Variants in LINGO2 observed in about 807,000 individuals in gnomAD.
LINGO2 encodes the protein leucine-rich repeat and immunoglobulin-like domain-containing nogo receptor-interacting protein 2.
In LINGO2, 14 loss-of-function variants were observed where a neutral mutation model predicts 30.6. That is an observed-to-expected ratio of 0.46 (90% CI 0.30 to 0.72). LINGO2 has a LOEUF of 0.72. Among genes scored for constraint, LINGO2 ranks in the 30% least tolerant of loss-of-function variants. The pLI is 0.07. For synonymous variants in LINGO2, 317 were observed against 288.5 expected (o/e 1.10, Z -1.00); for missense variants, 729 against 751.7 (o/e 0.97, Z 0.35).
the LINGO2 span, among the ~76,000 whole-genome samples, chr9:28,699,187 G>A: frequency 1.3e-5 from 2 of 152,010 alleles, no homozygotes; most frequent in Admixed American, 6.6e-5. Flanking sequence ...TACATTTTCT[G>A]TTGGTGTTGA....
At chr9:28,595,697 T>A (rs1249323449) in intron 1 of LINGO2, among the ~76,000 whole-genome samples, 1 of 152,106 alleles carries the variant, frequency 6.6e-6, no homozygotes, top group Non-Finnish European at 1.5e-5. Context: ...TATGATTTAC[T>A]ACCACAATTT....
the LINGO2 span, among the ~76,000 whole-genome samples, chr9:28,786,013 A>G: frequency 2.0e-5 from 3 of 152,190 alleles, no homozygotes; most frequent in Non-Finnish European, 2.9e-5. Context: ...TATTTCTTAC[A>G]AGAATTCACA....
intron 1 of LINGO2, among the ~76,000 whole-genome samples, chr9:28,513,325 A>G (rs1018936740): frequency 6.6e-6 from 1 of 152,216 alleles, no homozygotes; most frequent in African/African-American, 2.4e-5. Context: ...CGGTGTCTAC[A>G]TTTCAGACTC....
chr9:28,954,115 A>G, the LINGO2 span, among the ~76,000 whole-genome samples: 1 of 152,212 alleles, frequency 6.6e-6, no homozygotes, highest in African/African-American at 2.4e-5. Context: ...AAACTTGATC[A>G]CTGGCAACAA....
At chr9:28,272,757 T>C (rs1193407489) in intron 4 of LINGO2, among the ~76,000 whole-genome samples, 1 of 152,084 alleles carries the variant, frequency 6.6e-6, no homozygotes, top group East Asian at 1.9e-4. Context: ...TGCAGTGGTA[T>C]TGGCCCAGTA....
chr9:28,906,749 G>A, the LINGO2 span, among the ~76,000 whole-genome samples: 2 of 151,850 alleles, frequency 1.3e-5, no homozygotes, highest in Admixed American at 1.3e-4. Flanking sequence ...TCTTAAATAT[G>A]AAGGGATGCA....
At chr9:28,977,225 G>C in the LINGO2 span, among the ~76,000 whole-genome samples, 7 of 152,086 alleles carry the variant, frequency 4.6e-5, no homozygotes, top group African/African-American at 1.7e-4. Flanking sequence ...TGAAAGCCAT[G>C]TAATACACAT....
chr9:28,764,575 C>T, the LINGO2 span, among the ~76,000 whole-genome samples: 1 of 151,968 alleles, frequency 6.6e-6, no homozygotes, highest in Non-Finnish European at 1.5e-5. Flanking sequence ...GAAAGCTTTT[C>T]CTCTAGTATT....
At chr9:28,571,215 C>G (rs1302085325) in intron 1 of LINGO2, among the ~76,000 whole-genome samples, 1 of 151,884 alleles carries the variant, frequency 6.6e-6, no homozygotes, top group Non-Finnish European at 1.5e-5. Context: ...GGGGAAAATG[C>G]ATTTTTAAAG....
chr9:28,136,885 C>T (rs768524603), intron 4 of LINGO2, among the ~76,000 whole-genome samples: 4 of 152,136 alleles, frequency 2.6e-5, no homozygotes, highest in Non-Finnish European at 5.9e-5. Context: ...GGGTGGCCCT[C>T]ATTCCATCTG....
intron 1 of LINGO2, among the ~76,000 whole-genome samples, chr9:28,667,443 T>C (rs543260563): frequency 1.3e-5 from 2 of 152,208 alleles, no homozygotes; most frequent in African/African-American, 4.8e-5. Context: ...TACCTAATCC[T>C]CTCAAACCTT....
chr9:28,003,204 A>G (rs1822051980), intron 5 of LINGO2, among the ~76,000 whole-genome samples: 1 of 152,134 alleles, frequency 6.6e-6, no homozygotes, highest in African/African-American at 2.4e-5. Flanking sequence ...AGAGCTCCTT[A>G]AAATTTCTGC....
chr9:27,979,352 T>C (rs1175257967), intron 5 of LINGO2, among the ~76,000 whole-genome samples: 1 of 151,920 alleles, frequency 6.6e-6, no homozygotes, highest in Non-Finnish European at 1.5e-5. Flanking sequence ...GCTTAACATG[T>C]ATGGGAAGAA....
chr9:28,462,039 T>C (rs1188535915), intron 2 of LINGO2, among the ~76,000 whole-genome samples: 1 of 152,134 alleles, frequency 6.6e-6, no homozygotes. Flanking sequence ...TCAAAATCTG[T>C]ATTCATTCTC....
At chr9:28,024,342 G>A (rs566282457) in intron 4 of LINGO2, among the ~76,000 whole-genome samples, 30 of 152,172 alleles carry the variant, frequency 2.0e-4, no homozygotes, top group Non-Finnish European at 3.4e-4. Flanking sequence ...TGGGTGGAGG[G>A]TGGGTAACAG....
chr9:28,039,728 A>G (rs1373036070), intron 4 of LINGO2, among the ~76,000 whole-genome samples: 1 of 152,136 alleles, frequency 6.6e-6, no homozygotes, highest in East Asian at 1.9e-4. Flanking sequence ...TCCTGATGTC[A>G]TTTCATCAGG....
chr9:28,229,769 CA>C (rs1471368088), intron 4 of LINGO2, among the ~76,000 whole-genome samples: 5 of 151,740 alleles, frequency 3.3e-5, no homozygotes, highest in Admixed American at 6.6e-5. Flanking sequence ...GAAATAAGGT[CA>C]CAGGAATTTT....
At chr9:29,059,319 CA>C in the LINGO2 span, among the ~76,000 whole-genome samples, 5 of 151,056 alleles carry the variant, frequency 3.3e-5, no homozygotes, top group Non-Finnish European at 7.4e-5. Flanking sequence ...ATAAAAATTA[CA>C]AAATAAAATT....
the LINGO2 span, among the ~76,000 whole-genome samples, chr9:28,896,258 A>G: frequency 7.2e-5 from 11 of 152,118 alleles, no homozygotes; most frequent in African/African-American, 2.4e-4. Flanking sequence ...AATTAGTACA[A>G]TTCAGAATAT....
Sources: gnomAD v4.1 joint callset for allele counts (sites outside exome capture counted in the v4.1 genomes callset) on GRCh38, gnomAD v4.1.1 for gene constraint, MANE v1.5 for transcripts, NCBI Gene and HGNC (gene_info 2026-07-23, HGNC 2026-07-21) for gene names.